LCA5: variants seen among roughly 807,000 people sequenced by gnomAD.
LCA5 encodes the protein lebercilin LCA5.
In LCA5, 37 loss-of-function variants were observed where a neutral mutation model predicts 53.0. The observed-to-expected ratio is 0.70, with a 90% confidence interval of 0.54 to 0.92. The LOEUF is 0.92. Among genes scored for constraint, LCA5 ranks in the 40% least tolerant of loss-of-function variants. The pLI is 0.00. For missense variants in LCA5, 806 were observed against 790.5 expected, an observed-to-expected ratio of 1.02 and a Z score of -0.23; for synonymous variants, 303 against 282.9, an observed-to-expected ratio of 1.07 and a Z score of -0.71.
chr6:79,525,452 G>C (rs572769064), intron 1 of LCA5, among the ~76,000 whole-genome samples: 22 of 152,296 alleles, frequency 1.4e-4, no homozygotes, highest in South Asian at 6.2e-4. Context: ...AGTGGTCATA[G>C]CCATCTGGCA....
chr6:79,489,071 C>G lies in LCA5; in HGVS notation c.1231+13G>C. 6.2e-7 allele frequency: 1 copy of G among 1,612,636 alleles called. No homozygotes were observed. The highest frequency in any genetic ancestry group is 1.7e-5 in the Admixed American group (1 of 59,968). ...CTGACTTGTCACATGCTTAAACAAACTCTTTTTCTTACCATCCTCCAGCTT... is the reference window on the plus strand; with the variant it reads ...CTGACTTGTCACATGCTTAAACAAAGTCTTTTTCTTACCATCCTCCAGCTT... On this transcript the variant is annotated intron_variant, in intron 7 of 7. Coordinates refer to ENST00000369846, the MANE Select transcript of LCA5 (RefSeq NM_001122769.3).
intron 7 of LCA5, chr6:79,488,067 C>G: frequency 1.9e-6 from 1 of 525,090 alleles, no homozygotes; most frequent in South Asian, 2.9e-5. Flanking sequence ...ATTTAAGATT[C>G]TCATTTATAA....
At chr6:79,488,767 T>C (rs1351912753) in intron 7 of LCA5, 3 of 438,272 alleles carry the variant, frequency 6.8e-6, no homozygotes, top group Non-Finnish European at 1.2e-5. Context: ...TTTTAAAATA[T>C]GTAAGAACAC....
intron 1 of LCA5, among the ~76,000 whole-genome samples, chr6:79,531,799 G>T (rs962998855): frequency 6.6e-6 from 1 of 151,892 alleles, no homozygotes; most frequent in African/African-American, 2.4e-5. Context: ...TTACTACCTC[G>T]CTGGCTGTCT....
intron 3 of LCA5, among the ~76,000 whole-genome samples, chr6:79,500,927 T>C (rs1770120881): frequency 6.6e-6 from 1 of 152,126 alleles, no homozygotes; most frequent in South Asian, 2.1e-4. Flanking sequence ...ATATGTCAGT[T>C]TGTTACCTAA....
intron 1 of LCA5, among the ~76,000 whole-genome samples, chr6:79,536,421 C>G (rs1388120989): frequency 6.6e-6 from 1 of 152,114 alleles, no homozygotes; most frequent in African/African-American, 2.4e-5. Context: ...AGTATACTTT[C>G]CAAAGAACAA....
At chr6:79,492,115 A>G (rs1769861255) in intron 5 of LCA5, among the ~76,000 whole-genome samples, 1 of 152,032 alleles carries the variant, frequency 6.6e-6, no homozygotes. Context: ...ATAACAATAC[A>G]AAATATTTAT....
At chr6:79,499,562 T>A (rs1243062289) in intron 3 of LCA5, among the ~76,000 whole-genome samples, 1 of 151,388 alleles carries the variant, frequency 6.6e-6, no homozygotes, top group African/African-American at 2.4e-5. Context: ...AAATATTTCA[T>A]AAAAAATATT....
At chr6:79,536,073 T>TTA (rs1468538508) in intron 1 of LCA5, among the ~76,000 whole-genome samples, 1 of 152,234 alleles carries the variant, frequency 6.6e-6, no homozygotes, top group Non-Finnish European at 1.5e-5. Context: ...ATATTTAAAA[T>TTA]GATACTTTGT....
chr6:79,503,461 A>G lies in LCA5; in HGVS notation c.721-9711T>C, dbSNP rs566304341. Among the ~76,000 whole-genome samples the G allele has an allele frequency of 9.8e-5, 15 of 152,320 alleles. No homozygotes were observed. In the South Asian group the frequency reaches 2.9e-3, roughly 29 times the overall value. On this transcript the variant is annotated intron_variant, in intron 3 of 7. Coordinates refer to ENST00000369846, the MANE Select transcript of LCA5 (RefSeq NM_001122769.3). ...GTAGTTTCAAACCTTTTTTAAAAAAACAGTAGAACTCTTGAAGTCCACTGA... is the reference window on the plus strand; with the variant it reads ...GTAGTTTCAAACCTTTTTTAAAAAAGCAGTAGAACTCTTGAAGTCCACTGA...
At position 79,486,905 on chromosome 6, in the gene LCA5, T is replaced by G. The variant is rs1335967194; in HGVS notation, c.*99A>C. ...TTAGCTATTAAAAATCATTCCTTAA[T>G]AAGGACATTTTAGCATTAAAAAGTC... is the stretch of plus-strand genomic sequence containing the variant. On this transcript the variant is annotated 3_prime_UTR_variant, in exon 8 of 8. Transcript: ENST00000369846. 4 of 987,674 alleles carry G rather than the reference T, an allele frequency of 4.0e-6. No homozygotes were observed. Among genetic ancestry groups the G allele is most frequent in the African/African-American group, 1.6e-5 (1 of 60,924 alleles). 61.2% of individuals were successfully genotyped at this position (987,674 alleles called of 1,614,324 possible).
rs147032284 is a variant in LCA5, at chr6:79,487,298, T to C, written c.1800A>G (p.Lys600=). ...DGVDLITRKE[K]KANLMEQLFG... ...ATAACTGTTCCATCAAATTAGCTTT[T>C]TTCTCTTTTCTTGTAATTAAATCTA... The change falls in exon 8 of 8, where the codon AAA becomes AAG. Residue 600 remains lysine, a synonymous_variant. Coordinates refer to ENST00000369846, the MANE Select transcript of LCA5 (RefSeq NM_001122769.3). The C allele has an allele frequency of 9.7e-5, 156 of 1,613,602 alleles. No homozygotes were observed. The highest frequency in any genetic ancestry group is 1.3e-4 in the Non-Finnish European group (152 of 1,179,846).
chr6:79,508,828 T>A (rs1770335894), intron 3 of LCA5, among the ~76,000 whole-genome samples: 1 of 152,188 alleles, frequency 6.6e-6, no homozygotes, highest in Non-Finnish European at 1.5e-5. Context: ...GTGGTTTGAC[T>A]ATAACTGAGT....
chr6:79,537,644 G>C (rs566245900), upstream of LCA5, among the ~76,000 whole-genome samples: 1 of 152,206 alleles, frequency 6.6e-6, no homozygotes, highest in East Asian at 1.9e-4. Flanking sequence ...GGCTCCTACG[G>C]GCTGTGCGGT....
chr6:79,518,655 A>C (rs752463378), intron 2 of LCA5, 50 bp downstream of exon 2: 7 of 1,533,416 alleles, frequency 4.6e-6, no homozygotes. Flanking sequence ...TTCCTTAAGC[A>C]CTCAAAATGA....
chr6:79,512,403 T>A (rs903526923), intron 3 of LCA5, among the ~76,000 whole-genome samples: 2 of 151,950 alleles, frequency 1.3e-5, no homozygotes, highest in Admixed American at 1.3e-4. Context: ...GGCACTGGTA[T>A]AATGGGCATG....
intron 2 of LCA5, among the ~76,000 whole-genome samples, chr6:79,515,703 A>G (rs1224519932): frequency 2.0e-5 from 3 of 152,080 alleles, no homozygotes; most frequent in Non-Finnish European, 4.4e-5. Context: ...AGCCATGGAT[A>G]CTTGATTCCA....
upstream of LCA5, among the ~76,000 whole-genome samples, chr6:79,538,190 C>T (rs146335940): frequency 3.4e-3 from 509 of 151,806 alleles, 2 homozygotes; most frequent in African/African-American, 0.012. Flanking sequence ...TAAACTGCTC[C>T]GAGCCATCTG....
Position 79,489,073 on chromosome 6 carries a change from C to CT in LCA5, c.1231+10dup. On this transcript the variant is annotated intron_variant, in intron 7 of 7. Coordinates refer to ENST00000369846, the MANE Select transcript of LCA5 (RefSeq NM_001122769.3). The stretch of plus-strand genomic sequence containing the variant: ...GACTTGTCACATGCTTAAACAAACT[C>CT]TTTTTCTTACCATCCTCCAGCTTTT... 1 of 1,612,712 alleles carries CT rather than the reference C, an allele frequency of 6.2e-7. No individual in the cohort carries two copies.
Sources: allele counts gnomAD v4.1 joint callset (sites outside exome capture counted in the v4.1 genomes callset), GRCh38; gene constraint gnomAD v4.1.1; transcripts MANE v1.5; gene names NCBI Gene and HGNC (gene_info 2026-07-23, HGNC 2026-07-21).